The following AGAP1 variants were observed in gnomAD, a reference collection of about 807,000 sequenced individuals.
The protein encoded by AGAP1 is ArfGAP with GTPase domain, ankyrin repeat and PH domain 1, also known as arf-GAP with GTPase, ANK repeat and PH domain-containing protein 1.
A neutral mutation model predicts 105.3 loss-of-function variants in AGAP1; 29 were observed. The ratio of observed to expected loss-of-function variants is 0.28; its 90% confidence interval spans 0.21 to 0.38. The LOEUF (loss-of-function observed/expected upper bound fraction) is 0.38, where lower values mean the gene tolerates loss of function less well. Ranked by LOEUF, AGAP1 falls within the 10% of genes least tolerant of loss-of-function variation. AGAP1 has a pLI of 1.00. For missense variants in AGAP1, 998 were observed against 1,165.1 expected (o/e 0.86, Z 2.09); for synonymous variants, 509 against 485.9 (o/e 1.05, Z -0.63).
Position 235,621,655 on chromosome 2 carries a change from C to T in AGAP1, c.164-87524C>T, listed in dbSNP as rs74324816. Among the ~76,000 whole-genome samples, 1 of 152,228 alleles carries T rather than the reference C, an allele frequency of 6.6e-6. No individual in the cohort carries two copies. The highest frequency in any genetic ancestry group is 1.9e-4 in the East Asian group (1 of 5,204). On this transcript the variant is annotated intron_variant, in intron 1 of 17. Transcript: ENST00000304032. This position sits in a 1 kb window ranked among gnomAD's most constrained non-coding sequence, Gnocchi z 4.1. ...AGTGACCCTTCTGGTCTCTCCAACA[C>T]AAGGGTTGGTCATTCCCTGTGCCCA...
chr2:235,521,565 G>T (rs1363287491), intron 1 of AGAP1, among the ~76,000 whole-genome samples: 1 of 152,078 alleles, frequency 6.6e-6, no homozygotes, highest in African/African-American at 2.4e-5. Flanking sequence ...GATACAGGTA[G>T]CTTCCCATGC....
chr2:235,711,929 A>G (rs1950878778), intron 2 of AGAP1, among the ~76,000 whole-genome samples: 1 of 152,144 alleles, frequency 6.6e-6, no homozygotes, highest in African/African-American at 2.4e-5. Context: ...TTTATGTAAC[A>G]TTTTGCAATA....
At chr2:236,054,431 C>T (rs1342915949) in intron 16 of AGAP1, among the ~76,000 whole-genome samples, 1 of 138,284 alleles carries the variant, frequency 7.2e-6, no homozygotes, top group Admixed American at 7.7e-5. Flanking sequence ...AATGTTTTGT[C>T]TCTTTTGAGT....
rs924666757 is a variant in AGAP1, at chr2:236,104,390, C to T, written c.2115-15802C>T. 3.9e-5 allele frequency among the ~76,000 whole-genome samples: 6 copies of T among 152,258 alleles called. No homozygotes were observed. The highest frequency in any genetic ancestry group is 7.3e-5 in the Non-Finnish European group (5 of 68,046). ...GGTGCTCCTAGACAGGTGGAGACCT[C>T]AATCCTGCAGCCTCATCAAATGACT... On this transcript the variant is annotated intron_variant, in intron 16 of 17. Transcript: ENST00000304032. This position sits in a 1 kb window ranked among gnomAD's most constrained non-coding sequence, Gnocchi z 4.7.
In AGAP1 at chr2:235,957,377, T is replaced by C. The variant is rs1425761084; in HGVS notation, c.1484-11085T>C. 6.6e-6 allele frequency among the ~76,000 whole-genome samples: 1 copy of C among 152,214 alleles called. No individual in the cohort carries two copies. Among genetic ancestry groups the C allele is most frequent in the African/African-American group, 2.4e-5 (1 of 41,446 alleles). On this transcript the variant is annotated intron_variant, in intron 12 of 17. Coordinates refer to ENST00000304032, the MANE Select transcript of AGAP1 (RefSeq NM_001037131.3). This position sits in a 1 kb window ranked among gnomAD's most constrained non-coding sequence, Gnocchi z 4.6. ...CCTATTGTATTCCTTTCCTCCCCGT[T>C]TTTATAACTCAGTCTAACACTGTGT...
rs929363029 is a variant in AGAP1 at position 236,055,006 on chromosome 2, A to G, written c.2114+5725A>G. On this transcript the variant is annotated intron_variant, in intron 16 of 17. Transcript: ENST00000304032. The surrounding 1 kb of genome is among the most constrained non-coding windows in gnomAD (Gnocchi z 6.2). ...TTTCATTTTGCAACTGGCTGATTTA[A>G]TGATCCAAAGGGTAATTAATGGCCT... Among the ~76,000 whole-genome samples, 10 of 152,330 alleles carry G rather than the reference A, an allele frequency of 6.6e-5. No homozygotes were observed. In the South Asian group the frequency reaches 2.1e-3, roughly 32 times the overall value.
chr2:235,909,712 C>T (rs1296985594), intron 11 of AGAP1, among the ~76,000 whole-genome samples: 1 of 152,190 alleles, frequency 6.6e-6, no homozygotes. Flanking sequence ...CTCCCACCTA[C>T]ATCCAGTCTT....
intron 1 of AGAP1, among the ~76,000 whole-genome samples, chr2:235,629,863 CAAAAAAAAA>C (rs10691632): frequency 1.0e-5 from 1 of 95,678 alleles, no homozygotes; most frequent in African/African-American, 3.9e-5. Flanking sequence ...GACCCTGTCT[CAAAAAAAAA>C]AAAAAAAAAA....
intron 12 of AGAP1, among the ~76,000 whole-genome samples, chr2:235,956,696 C>G (rs899968508): frequency 7.9e-5 from 12 of 152,174 alleles, no homozygotes; most frequent in African/African-American, 1.9e-4. Flanking sequence ...GGGGGACACC[C>G]CTTCAGGGTA....
intron 6 of AGAP1, among the ~76,000 whole-genome samples, chr2:235,782,058 G>A (rs1446417004): frequency 6.6e-6 from 1 of 152,226 alleles, no homozygotes; most frequent in Non-Finnish European, 1.5e-5. Flanking sequence ...TAACTGGACA[G>A]CAGGACTAAC....
intron 11 of AGAP1, among the ~76,000 whole-genome samples, chr2:235,920,423 C>T (rs779055320): frequency 4.3e-4 from 66 of 152,176 alleles, no homozygotes; most frequent in Non-Finnish European, 7.9e-4. Flanking sequence ...CCGCTGCATG[C>T]GCATGGTGCC....
intron 16 of AGAP1, among the ~76,000 whole-genome samples, chr2:236,111,585 G>A (rs1022336940): frequency 1.3e-5 from 2 of 151,978 alleles, no homozygotes; most frequent in Non-Finnish European, 2.9e-5. Flanking sequence ...GAGTCCAGGA[G>A]TTTGAGACCA....
At chr2:236,057,729 G>C (rs1452716299) in intron 16 of AGAP1, among the ~76,000 whole-genome samples, 8 of 152,158 alleles carry the variant, frequency 5.3e-5, no homozygotes, top group African/African-American at 1.9e-4. Context: ...TGGTTTCATG[G>C]CCAGCATCTT....
At chr2:236,065,335 G>C (rs982016495) in intron 16 of AGAP1, among the ~76,000 whole-genome samples, 1 of 152,178 alleles carries the variant, frequency 6.6e-6, no homozygotes, top group Non-Finnish European at 1.5e-5. Flanking sequence ...GGCCCCTATT[G>C]TTGCTGCCTG....
At position 235,642,604 on chromosome 2, in the gene AGAP1, CCCTGGAAGGCAGGCCAG is replaced by C. The variant is rs2149308242; in HGVS notation, c.164-66571_164-66555del. On this transcript the variant is annotated intron_variant, in intron 1 of 17. Coordinates refer to ENST00000304032, the MANE Select transcript of AGAP1 (RefSeq NM_001037131.3). The surrounding 1 kb of genome is among the most constrained non-coding windows in gnomAD (Gnocchi z 4.1). ...GGCCAGCTGTCCAGAGGCAGACCCA[CCCTGGAAGGCAGGCCAG>C]CCTCCGCTCTCCACACCAGCTTGGG... is the stretch of plus-strand genomic sequence containing the variant. Among the ~76,000 whole-genome samples the C allele has an allele frequency of 6.6e-6, 1 of 152,216 alleles. No individual in the cohort carries two copies. The highest frequency in any genetic ancestry group is 2.1e-4 in the South Asian group (1 of 4,820).
chr2:235,896,654 T>G (rs2050821686), intron 10 of AGAP1, among the ~76,000 whole-genome samples: 1 of 152,232 alleles, frequency 6.6e-6, no homozygotes, highest in Admixed American at 6.5e-5. Context: ...TGGAGTTTGC[T>G]AAGCACCTGG....
rs146279904 is a variant in AGAP1, at chr2:235,611,118, ACT to A, written c.164-98058_164-98057del. Among the ~76,000 whole-genome samples, 4,125 of 151,842 alleles carry A rather than the reference ACT, an allele frequency of 0.027. 176 individuals carry two copies. The highest frequency in any genetic ancestry group is 0.093 in the African/African-American group (3,863 of 41,318). On this transcript the variant is annotated intron_variant, in intron 1 of 17. Transcript: ENST00000304032. This position sits in a 1 kb window ranked among gnomAD's most constrained non-coding sequence, Gnocchi z 5.0. ...GACCTTCCACTGCCCCGAGGGGAGG[ACT>A]CTGCCCTACTGGATCCTCCACCTCT...
rs778521845 is a variant in AGAP1, at chr2:236,120,386, G to C, written c.2309G>C (p.Arg770Pro). The C allele has an allele frequency of 7.4e-6, 12 of 1,611,344 alleles. No individual in the cohort carries two copies. The highest frequency in any genetic ancestry group is 2.7e-5 in the African/African-American group (2 of 74,894). Residue 770 changes from arginine to proline, a missense_variant, in exon 17 of 18, where the codon CGC (arginine) becomes CCC (proline). By Grantham distance (103) the Arg-to-Pro change is moderately radical. This residue lies in a region of AGAP1 where 235 missense variants were observed against 270.7 expected (regional missense o/e 0.87). Coordinates refer to ENST00000304032, the MANE Select transcript of AGAP1 (RefSeq NM_001037131.3). The surrounding 1 kb of genome is among the most constrained non-coding windows in gnomAD (Gnocchi z 6.0). ...VNETCGEGDG[R>P]TALHLACRKG... is the part of the protein sequence containing the mutation. Reference sequence around the variant, plus strand: ...GAGACCTGCGGGGAGGGAGACGGCCGCACGGCGCTGCATCTGGCCTGCCGC... The same window carrying C: ...GAGACCTGCGGGGAGGGAGACGGCCCCACGGCGCTGCATCTGGCCTGCCGC...
chr2:235,761,713 AAG>A (rs1303936803), intron 6 of AGAP1, among the ~76,000 whole-genome samples: 1 of 152,244 alleles, frequency 6.6e-6, no homozygotes, highest in African/African-American at 2.4e-5. Flanking sequence ...TCAAAAGAAT[AAG>A]AGAATATTAC....
Sources: gnomAD v4.1 joint callset for allele counts (sites outside exome capture counted in the v4.1 genomes callset) on GRCh38, gnomAD v4.1.1 for gene constraint, gnomAD v4.1.1 regional missense constraint, Gnocchi (gnomAD v3.1) non-coding constraint, MANE v1.5 for transcripts, NCBI Gene and HGNC (gene_info 2026-07-23, HGNC 2026-07-21) for gene names.